Variants in DSCAML1 observed in about 807,000 individuals in gnomAD.
The protein encoded by DSCAML1 is DS cell adhesion molecule like 1.
DSCAML1 carries 38 observed loss-of-function variants against 200.5 expected under a neutral mutation model. The ratio of observed to expected loss-of-function variants is 0.19; its 90% CI spans 0.15 to 0.25. The LOEUF (loss-of-function observed/expected upper bound fraction) is 0.25, where lower values mean the gene tolerates loss of function less well. DSCAML1 is among the 10% of genes least tolerant of loss of function. The probability of loss-of-function intolerance (pLI) is 1.00; values close to 1 mark genes in which losing one functional copy is unlikely to be tolerated. For missense variants in DSCAML1, 2,223 were observed against 2,858.8 expected, an observed-to-expected ratio of 0.78 and a Z score of 5.07; for synonymous variants, 1,215 against 1,165.0, an observed-to-expected ratio of 1.04 and a Z score of -0.87.
At chr11:117,563,516 A>T (rs1328776494) in intron 3 of DSCAML1, among the ~76,000 whole-genome samples, 1 of 152,172 alleles carries the variant, frequency 6.6e-6, no homozygotes, top group East Asian at 1.9e-4. Flanking sequence ...ATAGATGTAA[A>T]GGAAGCTCCG....
chr11:117,612,487 T>C (rs1182619255), intron 3 of DSCAML1, among the ~76,000 whole-genome samples: 1 of 152,164 alleles, frequency 6.6e-6, no homozygotes. Flanking sequence ...GTGGATCAAT[T>C]CCTGTGTTGC....
At chr11:117,705,581 G>C (rs554163528) in intron 3 of DSCAML1, among the ~76,000 whole-genome samples, 4 of 152,280 alleles carry the variant, frequency 2.6e-5, no homozygotes, top group African/African-American at 9.6e-5. Context: ...CTGGCTATGA[G>C]TGGGAAAATT....
intron 3 of DSCAML1, among the ~76,000 whole-genome samples, chr11:117,691,184 G>A (rs867694251): frequency 7.2e-5 from 11 of 152,206 alleles, no homozygotes; most frequent in Admixed American, 4.6e-4. Flanking sequence ...CAAGGATGAC[G>A]TGTTACGTGA....
intron 3 of DSCAML1, among the ~76,000 whole-genome samples, chr11:117,727,716 G>C (rs764373339): frequency 7.9e-5 from 12 of 152,224 alleles, no homozygotes; most frequent in Non-Finnish European, 1.3e-4. Flanking sequence ...AATACAGCTA[G>C]TGTTACAAGA....
rs1592572363 is a variant in DSCAML1 at position 117,437,749 on chromosome 11, G to T, written c.4432+146C>A. The T allele has an allele frequency of 1.1e-5, 10 of 929,504 alleles. No individual in the cohort carries two copies. Among genetic ancestry groups the T allele is most frequent in the Non-Finnish European group, 1.6e-5 (10 of 639,136 alleles). The allele number at this position is 929,504 out of a possible 1,614,324, so 57.6% of individuals were successfully genotyped here. A position where few individuals can be genotyped will look rare whatever the true frequency, so the allele number is the denominator to read the frequency against. On this transcript the variant is annotated intron_variant, in intron 25 of 32. Transcript: ENST00000651296. The surrounding 1 kb of genome is among the most constrained non-coding windows in gnomAD (Gnocchi z 5.3). The stretch of plus-strand genomic sequence containing the variant: ...ATCGGGACACTGTGGTGACGGGAAG[G>T]AGGCTGAGGCTCCTCCCTTCAGTCT...
intron 3 of DSCAML1, among the ~76,000 whole-genome samples, chr11:117,721,661 T>C (rs944935431): frequency 6.8e-6 from 1 of 147,966 alleles, no homozygotes; most frequent in African/African-American, 2.4e-5. Flanking sequence ...TTTAAATATA[T>C]GTAATATATA....
At chr11:117,459,149 G>A (rs752882199) in intron 18 of DSCAML1, among the ~76,000 whole-genome samples, 2 of 152,220 alleles carry the variant, frequency 1.3e-5, no homozygotes, top group East Asian at 1.9e-4. Flanking sequence ...GCCTGGGCCC[G>A]GCCTCAATTG....
chr11:117,601,212 C>T (rs1314277317), intron 3 of DSCAML1, among the ~76,000 whole-genome samples: 3 of 143,958 alleles, frequency 2.1e-5, no homozygotes, highest in African/African-American at 5.1e-5. Context: ...ACAAACACTA[C>T]CACGCCTGTG....
chr11:117,669,570 G>A (rs956546994), intron 3 of DSCAML1, among the ~76,000 whole-genome samples: 1 of 152,234 alleles, frequency 6.6e-6, no homozygotes, highest in Non-Finnish European at 1.5e-5. Flanking sequence ...TAGTGCTGAT[G>A]GGGCTGACAA....
chr11:117,681,754 T>C (rs2053317280), intron 3 of DSCAML1, among the ~76,000 whole-genome samples: 1 of 152,162 alleles, frequency 6.6e-6, no homozygotes, highest in South Asian at 2.1e-4. Flanking sequence ...ATTAATTTAA[T>C]AAATTAATCC....
chr11:117,472,125 G>A (rs1036668578), intron 14 of DSCAML1, 89 bp from the exon 15 acceptor site: 26 of 1,479,406 alleles, frequency 1.8e-5, no homozygotes, highest in African/African-American at 4.2e-5. Flanking sequence ...CCAATATTAA[G>A]TTGGATGCCC....
upstream of DSCAML1, among the ~76,000 whole-genome samples, chr11:117,798,011 GTCAGGCACTGGC>G (rs375911476): frequency 1.2e-3 from 188 of 152,328 alleles, no homozygotes; most frequent in African/African-American, 4.3e-3. Flanking sequence ...CACCTGCTGT[GTCAGGCACTGGC>G]TCAGGCACTG....
chr11:117,537,540 G>A (rs2050192392), intron 3 of DSCAML1, among the ~76,000 whole-genome samples: 1 of 152,116 alleles, frequency 6.6e-6, no homozygotes, highest in Admixed American at 6.5e-5. Context: ...GGTGTATCCT[G>A]GGTTGAATAG....
At chr11:117,447,567 TAATAA>T (rs1348647861) in intron 20 of DSCAML1, among the ~76,000 whole-genome samples, 1 of 152,234 alleles carries the variant, frequency 6.6e-6, no homozygotes. Context: ...AGATTTTCTA[TAATAA>T]AATTGCATTA....
chr11:117,698,036 C>T (rs1024682914), intron 3 of DSCAML1, among the ~76,000 whole-genome samples: 3 of 152,204 alleles, frequency 2.0e-5, no homozygotes, highest in Admixed American at 6.5e-5. Context: ...TCCCAAAGTG[C>T]TGGGATTTCA....
intron 3 of DSCAML1, among the ~76,000 whole-genome samples, chr11:117,725,837 A>G (rs2054118756): frequency 6.6e-6 from 1 of 151,466 alleles, no homozygotes; most frequent in Non-Finnish European, 1.5e-5. Flanking sequence ...ACAAAACAAA[A>G]CAAAACAAAA....
chr11:117,632,219 T>C (rs554617586), intron 3 of DSCAML1, among the ~76,000 whole-genome samples: 6 of 152,190 alleles, frequency 3.9e-5, no homozygotes, highest in Non-Finnish European at 8.8e-5. Flanking sequence ...AGGAAATGTC[T>C]CCTAAAGCCT....
chr11:117,683,120 ATTTATTTG>A (rs1350857649), intron 3 of DSCAML1, among the ~76,000 whole-genome samples: 5 of 152,188 alleles, frequency 3.3e-5, no homozygotes, highest in Non-Finnish European at 5.9e-5. Flanking sequence ...AACCACTGTT[ATTTATTTG>A]TTTGACTAAT....
rs143688859 is a variant in DSCAML1 at position 117,460,047 on chromosome 11, C to T, written c.3413-1138G>A. Among the ~76,000 whole-genome samples the T allele has an allele frequency of 8.6e-4, 131 of 152,344 alleles. 1 individual carries two copies. Among genetic ancestry groups the T allele is most frequent in the Middle Eastern group, 6.8e-3 (2 of 294 alleles). On this transcript the variant is annotated intron_variant, in intron 18 of 32. Coordinates refer to ENST00000651296, the MANE Select transcript of DSCAML1 (RefSeq NM_020693.4). ...CAGAGAAAGGGCAGGAAGAGGGCAG[C>T]GTGGTCAGGAGTCCAGCTTGTCTTT...
Sources: gnomAD v4.1 joint callset for allele counts (sites outside exome capture counted in the v4.1 genomes callset) on GRCh38, gnomAD v4.1.1 for gene constraint, Gnocchi (gnomAD v3.1) non-coding constraint, MANE v1.5 for transcripts, NCBI Gene and HGNC (gene_info 2026-07-23, HGNC 2026-07-21) for gene names.